TRPM3: variants seen among roughly 807,000 people sequenced by gnomAD.
TRPM3 encodes long transient receptor potential channel 3.
A neutral mutation model predicts 181.2 loss-of-function variants in TRPM3; 77 were observed. That is an observed-to-expected ratio of 0.42 (90% confidence interval 0.35 to 0.51). The LOEUF (loss-of-function observed/expected upper bound fraction) is 0.51. TRPM3 is among the 20% of genes least tolerant of loss of function. The pLI is 0.01. For synonymous variants in TRPM3, 745 were observed against 796.4 expected (o/e 0.94, Z 1.09); for missense variants, 1,759 against 2,196.7 (o/e 0.80, Z 3.98).
intron 9 of TRPM3, among the ~76,000 whole-genome samples, chr9:70,663,564 T>C (rs1186840107): frequency 2.0e-5 from 3 of 152,220 alleles, no homozygotes; most frequent in Non-Finnish European, 4.4e-5. Flanking sequence ...CAGGAGTCTC[T>C]TTCATTTGAG....
intron 8 of TRPM3, among the ~76,000 whole-genome samples, chr9:70,692,272 C>A (rs1014869948): frequency 6.6e-6 from 1 of 152,254 alleles, no homozygotes; most frequent in Admixed American, 6.5e-5. Context: ...CTTAATACCC[C>A]CATTGCTGGA....
chr9:71,146,454 A>G (rs1362312159), intron 1 of TRPM3, among the ~76,000 whole-genome samples: 1 of 152,126 alleles, frequency 6.6e-6, no homozygotes, highest in Non-Finnish European at 1.5e-5. Flanking sequence ...GTTTCCTAAC[A>G]CTAGAATTTT....
chr9:70,893,249 A>G (rs754316447), intron 1 of TRPM3, among the ~76,000 whole-genome samples: 16 of 152,146 alleles, frequency 1.1e-4, no homozygotes, highest in Non-Finnish European at 2.1e-4. Flanking sequence ...GGGTGAAATC[A>G]CATGGACCAT....
chr9:71,363,071 C>T (rs2092215644), intron 1 of TRPM3, among the ~76,000 whole-genome samples: 1 of 152,134 alleles, frequency 6.6e-6, no homozygotes, highest in Non-Finnish European at 1.5e-5. Context: ...ATGTTAATTG[C>T]ATTCGTTTTA....
At chr9:71,012,403 A>AGTT (rs1041463446) in intron 1 of TRPM3, among the ~76,000 whole-genome samples, 1 of 144,494 alleles carries the variant, frequency 6.9e-6, no homozygotes, top group African/African-American at 2.6e-5. Flanking sequence ...GGAGCTTTAT[A>AGTT]GTTGTTTTTT....
In TRPM3 at chr9:71,277,708, T is replaced by G. The variant is rs149662327; in HGVS notation, c.183+168945A>C. Among the ~76,000 whole-genome samples, 334 of 152,334 alleles carry G rather than the reference T, an allele frequency of 2.2e-3. 2 individuals are homozygous for G. Among genetic ancestry groups the G allele is most frequent in the African/African-American group, 7.7e-3 (321 of 41,578 alleles). On this transcript the variant is annotated intron_variant, in intron 1 of 24. Transcript: ENST00000357533. The stretch of plus-strand genomic sequence containing the variant: ...CTGCGGTCCAATATGAATATAATAA[T>G]TTGACTCTTCTCATGGCAATATTTT...
chr9:71,114,608 C>G (rs114664518), intron 1 of TRPM3, among the ~76,000 whole-genome samples: 2,374 of 152,172 alleles, frequency 0.016, 48 homozygotes, highest in East Asian at 0.078. Context: ...GAAGGTTGTG[C>G]GGTGGAGGTG....
chr9:71,213,263 G>A (rs114380638), intron 1 of TRPM3, among the ~76,000 whole-genome samples: 540 of 152,000 alleles, frequency 3.6e-3, no homozygotes, highest in African/African-American at 0.012. Context: ...TCATTTTCAT[G>A]TGTTATTAAA....
intron 1 of TRPM3, among the ~76,000 whole-genome samples, chr9:71,156,064 T>C (rs1260983395): frequency 6.6e-6 from 1 of 152,112 alleles, no homozygotes; most frequent in Admixed American, 6.6e-5. Context: ...TGATGCACAA[T>C]GAAAGTTGAA....
intron 1 of TRPM3, among the ~76,000 whole-genome samples, chr9:70,971,242 T>C (rs1029223409): frequency 6.6e-6 from 1 of 152,206 alleles, no homozygotes; most frequent in African/African-American, 2.4e-5. Context: ...TTTCCCCTTC[T>C]ACTGAGTAAT....
chr9:71,200,632 C>T (rs1587919174), intron 1 of TRPM3, among the ~76,000 whole-genome samples: 1 of 152,178 alleles, frequency 6.6e-6, no homozygotes, highest in Admixed American at 6.5e-5. Context: ...ATGTAATGGC[C>T]TTCTCTGTCT....
intron 22 of TRPM3, among the ~76,000 whole-genome samples, chr9:70,573,278 A>C (rs2052952759): frequency 6.6e-6 from 1 of 152,216 alleles, no homozygotes; most frequent in Admixed American, 6.5e-5. Context: ...AATGTTGAAC[A>C]ACTCATGAGA....
chr9:71,267,581 T>C (rs2083475491), intron 1 of TRPM3, among the ~76,000 whole-genome samples: 1 of 150,774 alleles, frequency 6.6e-6, no homozygotes, highest in Non-Finnish European at 1.5e-5. Context: ...CTTATCTCTG[T>C]CACTCCTCAC....
chr9:71,241,617 G>A (rs1412384946), intron 1 of TRPM3, among the ~76,000 whole-genome samples: 1 of 151,916 alleles, frequency 6.6e-6, no homozygotes, highest in East Asian at 1.9e-4. Context: ...TGCATGTTGT[G>A]CACATGTACC....
At chr9:71,031,980 ATAT>A (rs370856557) in intron 1 of TRPM3, among the ~76,000 whole-genome samples, 55,450 of 60,536 alleles carry the variant, frequency 0.92, 25,779 homozygotes, top group East Asian at 1. Flanking sequence ...TATTATATAT[ATAT>A]ATATTATATA....
chr9:71,112,231 G>A (rs1175372983), intron 1 of TRPM3, among the ~76,000 whole-genome samples: 1 of 152,074 alleles, frequency 6.6e-6, no homozygotes, highest in Non-Finnish European at 1.5e-5. Flanking sequence ...AATATTAAAG[G>A]AAATATATTA....
intron 1 of TRPM3, among the ~76,000 whole-genome samples, chr9:71,113,303 T>C (rs1232455860): frequency 6.6e-6 from 1 of 152,092 alleles, no homozygotes; most frequent in Non-Finnish European, 1.5e-5. Context: ...GCAGAACTGA[T>C]TGGCTAATTA....
chr9:71,382,762 CAAAT>C (rs909418490), intron 1 of TRPM3, among the ~76,000 whole-genome samples: 5 of 150,458 alleles, frequency 3.3e-5, no homozygotes, highest in African/African-American at 1.2e-4. Flanking sequence ...TCTTTGTTCT[CAAAT>C]AAATGATTAG....
chr9:71,071,776 A>C (rs891573263), intron 1 of TRPM3, among the ~76,000 whole-genome samples: 3 of 152,042 alleles, frequency 2.0e-5, no homozygotes, highest in African/African-American at 7.2e-5. Flanking sequence ...TTCATTTAAC[A>C]CTCCTGAACC....
Sources: allele counts gnomAD v4.1 joint callset (sites outside exome capture counted in the v4.1 genomes callset), GRCh38; gene constraint gnomAD v4.1.1; transcripts MANE v1.5; gene names NCBI Gene and HGNC (gene_info 2026-07-23, HGNC 2026-07-21).